The following MAMLD1 variants were observed in gnomAD, a reference collection of about 807,000 sequenced individuals.
MAMLD1 encodes the protein mastermind-like domain-containing protein 1.
MAMLD1 carries 14 observed loss-of-function variants against 45.0 expected under a neutral mutation model. That is an observed-to-expected ratio of 0.31 (90% CI 0.21 to 0.49). The LOEUF (loss-of-function observed/expected upper bound fraction) is 0.49. Ranked by LOEUF, MAMLD1 falls within the 20% of genes least tolerant of loss-of-function variation. The pLI is 0.99. For missense variants in MAMLD1, 543 were observed against 603.6 expected (o/e 0.90, Z 1.05); for synonymous variants, 254 against 247.8 (o/e 1.02, Z -0.24).
At chrX:150,428,974 GCATT>G (rs1253441769) in intron 1 of MAMLD1, among the ~76,000 whole-genome samples, 1 of 111,734 alleles carries the variant, frequency 8.9e-6, no homozygotes, top group East Asian at 2.8e-4. Flanking sequence ...AGCCAAAGCA[GCATT>G]TTAAACCTTT....
At chrX:150,434,495 G>A (rs1488238706) in intron 1 of MAMLD1, among the ~76,000 whole-genome samples, 3 of 111,016 alleles carry the variant, frequency 2.7e-5, no homozygotes, top group Middle Eastern at 4.6e-3. Flanking sequence ...TCCTGTAGTG[G>A]CGATGTTAGG....
intron 3 of MAMLD1, among the ~76,000 whole-genome samples, chrX:150,468,855 CA>C (rs2036307148): frequency 9.0e-6 from 1 of 111,023 alleles, no homozygotes. Flanking sequence ...TCGTTAAAGA[CA>C]AACAAGCAGA....
At chrX:150,423,835 T>C (rs1481194646) in intron 1 of MAMLD1, among the ~76,000 whole-genome samples, 1 of 112,432 alleles carries the variant, frequency 8.9e-6, no homozygotes, top group African/African-American at 3.2e-5. Context: ...ATCCAAGGTA[T>C]CTTTGAATTC....
chrX:150,368,432 T>C, intron 1 of MAMLD1, among the ~76,000 whole-genome samples: 1 of 110,530 alleles, frequency 9.0e-6, no homozygotes, highest in South Asian at 3.9e-4. Flanking sequence ...TGTAAATTTG[T>C]TTGAGTTCTT....
At chrX:150,472,826 G>A (rs2036470389) in intron 4 of MAMLD1, among the ~76,000 whole-genome samples, 1 of 111,738 alleles carries the variant, frequency 8.9e-6, no homozygotes, top group Non-Finnish European at 1.9e-5. Context: ...AGGGTTCAGT[G>A]GGGCCAGGTC....
At chrX:150,452,935 C>T (rs2035715521) in intron 2 of MAMLD1, among the ~76,000 whole-genome samples, 1 of 110,944 alleles carries the variant, frequency 9.0e-6, no homozygotes, top group African/African-American at 3.3e-5. Flanking sequence ...CTGGAAGCTT[C>T]GGAGCACCTG....
chrX:150,448,005 AATG>A lies in MAMLD1; in HGVS notation c.96+2396_96+2398del, dbSNP rs781858930. 4.7e-3 allele frequency among the ~76,000 whole-genome samples: 533 copies of A among 112,423 alleles called. 6 individuals are homozygous for A. The highest frequency in any genetic ancestry group is 0.016 in the African/African-American group (492 of 30,899). ...ATGTTTCAAATCAATCTTGAAATAA[AATG>A]ATATCAGTCCCAGAGGAGAGTTCTC... On this transcript the variant is annotated intron_variant, in intron 2 of 7. Coordinates refer to ENST00000370401, the MANE Select transcript of MAMLD1 (RefSeq NM_005491.5).
intron 2 of MAMLD1, among the ~76,000 whole-genome samples, chrX:150,454,984 A>T (rs937083590): frequency 3.6e-5 from 4 of 111,185 alleles, no homozygotes; most frequent in Non-Finnish European, 5.7e-5. Context: ...CCACCACCCT[A>T]CCACTTCTCT....
At chrX:150,381,516 A>T (rs1405420787) in intron 1 of MAMLD1, among the ~76,000 whole-genome samples, 7 of 112,548 alleles carry the variant, frequency 6.2e-5, no homozygotes, top group African/African-American at 2.3e-4. Context: ...TACCAAACCC[A>T]CTTCCCTCCT....
At chrX:150,510,153 A>T (rs1176609141) in intron 7 of MAMLD1, 107 bp downstream of exon 7, 5 of 510,415 alleles carry the variant, frequency 9.8e-6, no homozygotes, top group South Asian at 3.3e-5. Flanking sequence ...TTCTGAAAGC[A>T]TTGAGAAAGA....
intron 1 of MAMLD1, among the ~76,000 whole-genome samples, chrX:150,392,363 T>C (rs1282089505): frequency 9.0e-6 from 1 of 111,247 alleles, no homozygotes; most frequent in Non-Finnish European, 1.9e-5. Context: ...AAGTAAAGGT[T>C]TCCAATCCAC....
At chrX:150,462,946 T>C in intron 3 of MAMLD1, 100 bp downstream of exon 3, 1 of 630,493 alleles carries the variant, frequency 1.6e-6, no homozygotes, top group Admixed American at 2.5e-5. Context: ...CACCACAAGG[T>C]CCTTTAAGAG....
intron 6 of MAMLD1, among the ~76,000 whole-genome samples, chrX:150,508,693 A>G (rs1477428745): frequency 1.8e-5 from 2 of 112,306 alleles, no homozygotes; most frequent in Non-Finnish European, 3.8e-5. Flanking sequence ...GAGTGCAGAG[A>G]AGGGTTCCCA....
rs781970448 is a variant in MAMLD1 at position 150,473,692 on chromosome X, C to T, written c.1930C>T (p.Leu644=). The change falls in exon 5 of 8, where the codon CTG becomes TTG. Residue 644 remains leucine (L), a synonymous_variant. Transcript: ENST00000370401. The part of the protein sequence containing the change: ...PALPRQGCCH[L]FAWTSAASSV... ...GATTTTATTATAGGGCTGTTGCCATCTGTTTGCATGGACTTCTGCAGCTAG... is the reference window on the plus strand; with the variant it reads ...GATTTTATTATAGGGCTGTTGCCATTTGTTTGCATGGACTTCTGCAGCTAG... The T allele has an allele frequency of 3.3e-6, 4 of 1,211,231 alleles. No individual in the cohort carries two copies. The highest frequency in any genetic ancestry group is 4.6e-4 in the Middle Eastern group (2 of 4,351).
At chrX:150,399,217 C>A (rs1445156079) in intron 1 of MAMLD1, among the ~76,000 whole-genome samples, 1 of 111,567 alleles carries the variant, frequency 9.0e-6, no homozygotes, top group South Asian at 3.8e-4. Context: ...GAGGATAAAC[C>A]GGGGCAGTGG....
In MAMLD1 at chrX:150,511,956, C is replaced by T. The variant is rs782803886; in HGVS notation, c.*45-48C>T. ...ACCCTCCGGTGGCCACAGCCCAAGTCGAGGATGCCTTTGGAACTCATCCCC... is the reference window on the plus strand; with the variant it reads ...ACCCTCCGGTGGCCACAGCCCAAGTTGAGGATGCCTTTGGAACTCATCCCC... On this transcript the variant is annotated intron_variant, in intron 7 of 7. Coordinates refer to ENST00000370401, the MANE Select transcript of MAMLD1 (RefSeq NM_005491.5). 52 of 1,020,039 alleles carry T rather than the reference C, an allele frequency of 5.1e-5. No homozygotes were observed. The African/African-American group carries it at 9.2e-4, about 18-fold the overall frequency. 84.1% of individuals were successfully genotyped at this position (1,020,039 alleles called of 1,213,427 possible). A position where few individuals can be genotyped will look rare whatever the true frequency, so the allele number is the denominator to read the frequency against.
At chrX:150,379,134 T>A (rs1195679771) in intron 1 of MAMLD1, among the ~76,000 whole-genome samples, 8 of 111,791 alleles carry the variant, frequency 7.2e-5, no homozygotes, top group Non-Finnish European at 1.5e-4. Context: ...TCTACCTGCC[T>A]ACCTACTTAC....
At chrX:150,384,317 A>G (rs2032809688) in intron 1 of MAMLD1, among the ~76,000 whole-genome samples, 1 of 112,068 alleles carries the variant, frequency 8.9e-6, no homozygotes, top group African/African-American at 3.2e-5. Context: ...TAGTGAGCAT[A>G]AAGTGGTATT....
intron 1 of MAMLD1, among the ~76,000 whole-genome samples, chrX:150,377,483 AG>A (rs1451076958): frequency 8.9e-6 from 1 of 111,924 alleles, no homozygotes; most frequent in Non-Finnish European, 1.9e-5. Flanking sequence ...GAGATGAACT[AG>A]TACTTTCTGA....
Sources: gnomAD v4.1 joint callset for allele counts (sites outside exome capture counted in the v4.1 genomes callset) on GRCh38, gnomAD v4.1.1 for gene constraint, MANE v1.5 for transcripts, NCBI Gene and HGNC (gene_info 2026-07-23, HGNC 2026-07-21) for gene names.